Variants in ASIC2 observed in about 807,000 individuals in gnomAD.
ASIC2 encodes the protein acid sensing ion channel subunit 2.
Under a neutral mutation model 57.3 loss-of-function variants are expected in ASIC2, and 25 were observed. The ratio of observed to expected loss-of-function variants is 0.44; its 90% CI spans 0.32 to 0.61. The LOEUF is 0.61. Ranked by LOEUF, ASIC2 falls within the 20% of genes least tolerant of loss-of-function variation. The probability of loss-of-function intolerance (pLI) is 0.06; values close to 1 mark genes in which losing one functional copy is unlikely to be tolerated. For synonymous variants in ASIC2, 319 were observed against 307.5 expected, an observed-to-expected ratio of 1.04 and a Z score of -0.39; for missense variants, 641 against 738.1, an observed-to-expected ratio of 0.87 and a Z score of 1.52.
intron 1 of ASIC2, among the ~76,000 whole-genome samples, chr17:33,354,450 C>T (rs1258038482): frequency 6.6e-6 from 1 of 152,156 alleles, no homozygotes; most frequent in Non-Finnish European, 1.5e-5. Flanking sequence ...CAAGCTATCC[C>T]CCACATAAGA....
chr17:33,255,279 A>T (rs953304870), intron 1 of ASIC2, among the ~76,000 whole-genome samples: 6 of 151,922 alleles, frequency 3.9e-5, no homozygotes, highest in African/African-American at 1.5e-4. Context: ...ACCTCAAATG[A>T]TCCACTCACC....
At chr17:33,827,337 C>CTTTGTTTTTTTTTTTTTTTTTTT (rs1912954579) in intron 1 of ASIC2, among the ~76,000 whole-genome samples, 1 of 76,536 alleles carries the variant, frequency 1.3e-5, no homozygotes, top group Non-Finnish European at 2.6e-5. Flanking sequence ...GCAGCTCACT[C>CTTTGTTTTTTTTTTTTTTTTTTT]TTTTTTTTTT....
intron 1 of ASIC2, among the ~76,000 whole-genome samples, chr17:33,720,324 A>G (rs1369068151): frequency 2.0e-5 from 3 of 152,234 alleles, no homozygotes; most frequent in Non-Finnish European, 4.4e-5. Flanking sequence ...GCCTATAAAC[A>G]TGGTTACAAA....
chr17:33,812,109 A>T (rs1008719674), intron 1 of ASIC2, among the ~76,000 whole-genome samples: 1 of 152,040 alleles, frequency 6.6e-6, no homozygotes, highest in Non-Finnish European at 1.5e-5. Flanking sequence ...CTAATTGTGG[A>T]TATTGTGAAA....
chr17:33,119,570 A>G (rs527834146), intron 1 of ASIC2, among the ~76,000 whole-genome samples: 1 of 152,322 alleles, frequency 6.6e-6, no homozygotes, highest in East Asian at 1.9e-4. Context: ...ATTTATTAGC[A>G]AGGAAGCTGC....
At chr17:33,614,571 G>A (rs1905532382) in intron 1 of ASIC2, among the ~76,000 whole-genome samples, 1 of 152,136 alleles carries the variant, frequency 6.6e-6, no homozygotes, top group Non-Finnish European at 1.5e-5. Flanking sequence ...CATGTCTTGA[G>A]TTTATTTATT....
chr17:33,811,328 G>T (rs1207625234), intron 1 of ASIC2, among the ~76,000 whole-genome samples: 1 of 152,206 alleles, frequency 6.6e-6, no homozygotes, highest in Non-Finnish European at 1.5e-5. Flanking sequence ...CACGGGAGAA[G>T]ATCAGACAAA....
At chr17:33,413,817 T>C (rs978639929) in intron 1 of ASIC2, among the ~76,000 whole-genome samples, 2 of 152,224 alleles carry the variant, frequency 1.3e-5, no homozygotes, top group African/African-American at 4.8e-5. Flanking sequence ...GCCCTCTCTC[T>C]CCCAGCACTC....
At chr17:33,174,602 A>G (rs1170144707) in intron 1 of ASIC2, among the ~76,000 whole-genome samples, 1 of 152,152 alleles carries the variant, frequency 6.6e-6, no homozygotes, top group African/African-American at 2.4e-5. Flanking sequence ...TGCAAACCAC[A>G]GATCTGCTCC....
At chr17:34,131,578 C>T (rs537186037) in intron 1 of ASIC2, among the ~76,000 whole-genome samples, 296 of 152,358 alleles carry the variant, frequency 1.9e-3, no homozygotes, top group African/African-American at 6.5e-3. Flanking sequence ...TGCCTGGGCA[C>T]GCAACCATTC....
upstream of ASIC2, among the ~76,000 whole-genome samples, chr17:33,293,614 A>G (rs1905600583): frequency 6.6e-6 from 1 of 152,058 alleles, no homozygotes; most frequent in Middle Eastern, 3.2e-3. Flanking sequence ...AGAGAGAGCG[A>G]GTTGCTGTGT....
chr17:33,316,496 C>T (rs959089016), intron 1 of ASIC2, among the ~76,000 whole-genome samples: 8 of 152,166 alleles, frequency 5.3e-5, no homozygotes, highest in African/African-American at 1.7e-4. Context: ...CCATGTTGGC[C>T]GGGCTGGTCT....
At chr17:33,464,512 C>CTCTT (rs1567621011) in intron 1 of ASIC2, among the ~76,000 whole-genome samples, 14 of 42,562 alleles carry the variant, frequency 3.3e-4, no homozygotes, top group African/African-American at 1.3e-3. Context: ...TTCTTTCTTT[C>CTCTT]TTTCTTTCTT....
intron 1 of ASIC2, among the ~76,000 whole-genome samples, chr17:33,709,839 A>T (rs1295066649): frequency 1.3e-5 from 2 of 152,220 alleles, no homozygotes; most frequent in Non-Finnish European, 2.9e-5. Context: ...ACCACTTAAC[A>T]TTTTTAAGCA....
chr17:33,127,849 T>C (rs7212444), intron 1 of ASIC2, among the ~76,000 whole-genome samples: 54,640 of 151,926 alleles, frequency 0.36, 10,336 homozygotes, highest in African/African-American at 0.48. Flanking sequence ...ACGCCCCTGC[T>C]TAAACCTCTG....
chr17:33,992,591 T>C (rs887642053), intron 1 of ASIC2, among the ~76,000 whole-genome samples: 2 of 152,204 alleles, frequency 1.3e-5, no homozygotes, highest in African/African-American at 4.8e-5. Context: ...CTAACTCACA[T>C]TGGCTCGCAA....
intron 1 of ASIC2, among the ~76,000 whole-genome samples, chr17:33,234,540 C>T (rs1908224252): frequency 6.6e-6 from 1 of 152,192 alleles, no homozygotes; most frequent in South Asian, 2.1e-4. Context: ...GTCTTGGATG[C>T]TAATTGTCTT....
chr17:34,062,596 A>G (rs1909007729), intron 1 of ASIC2, among the ~76,000 whole-genome samples: 1 of 152,200 alleles, frequency 6.6e-6, no homozygotes, highest in Non-Finnish European at 1.5e-5. Context: ...GTTCTTTGAA[A>G]AGCTAAGAAA....
At chr17:34,146,348 T>C (rs1415582228) in intron 1 of ASIC2, among the ~76,000 whole-genome samples, 1 of 152,106 alleles carries the variant, frequency 6.6e-6, no homozygotes, top group Non-Finnish European at 1.5e-5. Flanking sequence ...ACCATATGGA[T>C]AAAAAAGCTA....
Sources: gnomAD v4.1 joint callset for allele counts (sites outside exome capture counted in the v4.1 genomes callset) on GRCh38, gnomAD v4.1.1 for gene constraint, MANE v1.5 for transcripts, NCBI Gene and HGNC (gene_info 2026-07-23, HGNC 2026-07-21) for gene names.